SUSD1: variants seen among roughly 807,000 people sequenced by gnomAD.
SUSD1 encodes sushi domain containing 1.
Under a neutral mutation model 86.9 loss-of-function variants are expected in SUSD1, and 65 were observed. The observed-to-expected ratio is 0.75, with a 90% CI of 0.61 to 0.92. SUSD1 has a LOEUF of 0.92. Ranked by LOEUF, SUSD1 falls within the 40% of genes least tolerant of loss-of-function variation. The pLI is 0.00. For synonymous variants in SUSD1, 346 were observed against 350.0 expected (o/e 0.99, Z 0.13); for missense variants, 850 against 929.7 (o/e 0.91, Z 1.11).
rs1831110874 is a variant in SUSD1, at chr9:112,111,782, T to C, written c.1043A>G (p.Asn348Ser). Residue 348 changes from asparagine to serine, a missense_variant, in exon 8 of 17, where the codon AAC becomes AGC. By Grantham distance (46) the Asn-to-Ser change is conservative (BLOSUM62 1). Coordinates refer to ENST00000374270, the MANE Select transcript of SUSD1 (RefSeq NM_022486.5). ...TGGGGTCCTGCTGTCTGTGGTCAAG[T>C]TGACTGTCTCCTCACGAACTGATTC... is the stretch of plus-strand genomic sequence containing the variant. Reference protein sequence around the residue: ...PMESVREETVNLTTDSRTPEV... With the variant: ...PMESVREETVSLTTDSRTPEV... The C allele has an allele frequency of 1.9e-6, 3 of 1,614,000 alleles. No homozygotes were observed. Among genetic ancestry groups the C allele is most frequent in the Admixed American group, 1.7e-5 (1 of 59,988 alleles).
chr9:112,069,607 T>C (rs1180397315), intron 12 of SUSD1, among the ~76,000 whole-genome samples: 1 of 152,188 alleles, frequency 6.6e-6, no homozygotes, highest in East Asian at 1.9e-4. Flanking sequence ...TTAACTTTTT[T>C]TATTACGTGT....
chr9:112,061,939 C>A (rs548498007), intron 13 of SUSD1, among the ~76,000 whole-genome samples: 4 of 152,162 alleles, frequency 2.6e-5, no homozygotes, highest in South Asian at 4.1e-4. Context: ...TCCACGCCAA[C>A]CTCAATCTTC....
chr9:112,103,216 C>T (rs1830701110), intron 8 of SUSD1: 2 of 431,204 alleles, frequency 4.6e-6, no homozygotes, highest in Non-Finnish European at 9.3e-6. Context: ...GAATTGTCCA[C>T]AGCATTTTCA....
intron 6 of SUSD1, among the ~76,000 whole-genome samples, chr9:112,114,023 T>G (rs1831209784): frequency 6.6e-6 from 1 of 152,162 alleles, no homozygotes; most frequent in Admixed American, 6.5e-5. Context: ...CTTCTATATA[T>G]AAAACTCTAA....
chr9:112,064,853 G>T (rs902367311), intron 12 of SUSD1, among the ~76,000 whole-genome samples: 2 of 149,134 alleles, frequency 1.3e-5, no homozygotes, highest in Non-Finnish European at 3.0e-5. Context: ...TCCAGCCTGG[G>T]TGACAGAGTG....
In SUSD1 at chr9:112,138,770, A is replaced by G. The variant is rs75125916; in HGVS notation, c.706+3550T>C. On this transcript the variant is annotated intron_variant, in intron 5 of 16. Coordinates refer to ENST00000374270, the MANE Select transcript of SUSD1 (RefSeq NM_022486.5). ...GCCTGCAATAAATATTCTTTTTTAAATATTGTTTTTCTAACATAATTTTAT... is the reference window on the plus strand; with the variant it reads ...GCCTGCAATAAATATTCTTTTTTAAGTATTGTTTTTCTAACATAATTTTAT... 5.2e-4 allele frequency among the ~76,000 whole-genome samples: 79 copies of G among 152,286 alleles called. No individual in the cohort carries two copies. In the East Asian group the frequency reaches 0.01, roughly 19 times the overall value.
chr9:112,153,609 A>G (rs1833160894), intron 2 of SUSD1, among the ~76,000 whole-genome samples: 1 of 145,776 alleles, frequency 6.9e-6, no homozygotes, highest in Admixed American at 7.1e-5. Flanking sequence ...ATTACATACT[A>G]TACTTTTTTT....
intron 10 of SUSD1, among the ~76,000 whole-genome samples, chr9:112,084,439 A>G (rs73532499): frequency 0.032 from 4,946 of 152,250 alleles, 278 homozygotes; most frequent in African/African-American, 0.11. Flanking sequence ...TAATTATTTC[A>G]TTTTTTAAAA....
intron 8 of SUSD1, among the ~76,000 whole-genome samples, chr9:112,108,823 AAGAG>A (rs541472741): frequency 0.094 from 13,487 of 143,870 alleles, 801 homozygotes; most frequent in Non-Finnish European, 0.15. Flanking sequence ...GAAAAAAAAA[AAGAG>A]AGAGAGAAAC....
intron 15 of SUSD1, among the ~76,000 whole-genome samples, chr9:112,049,526 T>C (rs1176593388): frequency 6.6e-6 from 1 of 152,234 alleles, no homozygotes; most frequent in Non-Finnish European, 1.5e-5. Flanking sequence ...TTCCTGATCA[T>C]CTTTACAAAG....
chr9:112,158,113 C>T (rs1050430272), intron 1 of SUSD1, among the ~76,000 whole-genome samples: 1 of 151,964 alleles, frequency 6.6e-6, no homozygotes, highest in African/African-American at 2.4e-5. Flanking sequence ...CGTGAGCCAC[C>T]GAGCTAGGCC....
At chr9:112,160,802 A>G (rs1671840787) in intron 1 of SUSD1, among the ~76,000 whole-genome samples, 1 of 152,206 alleles carries the variant, frequency 6.6e-6, no homozygotes, top group Non-Finnish European at 1.5e-5. Context: ...GACAGACATA[A>G]GGAACAGGAA....
intron 5 of SUSD1, among the ~76,000 whole-genome samples, chr9:112,129,624 C>T (rs1831929488): frequency 6.6e-6 from 1 of 152,122 alleles, no homozygotes; most frequent in Non-Finnish European, 1.5e-5. Context: ...TATTATCTAT[C>T]CTTATACAAG....
chr9:112,167,822 C>G (rs573262120), intron 1 of SUSD1, among the ~76,000 whole-genome samples: 4 of 152,124 alleles, frequency 2.6e-5, no homozygotes, highest in Non-Finnish European at 5.9e-5. Flanking sequence ...ACAAAGAAAA[C>G]GAGGTTTAAT....
intron 16 of SUSD1, 29 bp downstream of exon 16, chr9:112,041,838 C>T (rs761906814): frequency 8.7e-6 from 14 of 1,602,760 alleles, no homozygotes; most frequent in Non-Finnish European, 1.1e-5. Context: ...CCATTCCAGT[C>T]ATTTCTCAAA....
intron 12 of SUSD1, among the ~76,000 whole-genome samples, chr9:112,078,298 C>T (rs1457212067): frequency 6.6e-6 from 1 of 152,152 alleles, no homozygotes; most frequent in Non-Finnish European, 1.5e-5. Flanking sequence ...GAGCCATGAT[C>T]GTGCCTCTGC....
In SUSD1 at chr9:112,078,569, AG is replaced by A. The variant is rs544226538; in HGVS notation, c.1721del (p.Pro574LeufsTer6). 1 of 1,613,264 alleles carries A rather than the reference AG, an allele frequency of 6.2e-7. No homozygotes were observed. Among genetic ancestry groups the A allele is most frequent in the South Asian group, 1.1e-5 (1 of 91,066 alleles). Reference protein sequence around the residue: ...VSLRALSSELPVVISLTTQIT... With the variant: ...VSLRALSSELXVVISLTTQIT... The stretch of plus-strand genomic sequence containing the variant: ...TCTGGGTTGTCAGGGAGATGACCAC[AG>A]GAAGTTCCGAAGACAGAGCCCGGAG... On this transcript the variant is annotated frameshift_variant, in exon 12 of 17. Transcript: ENST00000374270. LOFTEE classifies it high-confidence loss of function.
intron 6 of SUSD1, among the ~76,000 whole-genome samples, chr9:112,115,824 G>GAAAAAAAAAGAAAAAAAA (rs1554766278): frequency 8.3e-6 from 1 of 120,956 alleles, no homozygotes. Flanking sequence ...AAAAAAAAAA[G>GAAAAAAAAAGAAAAAAAA]AAAAAAAAAA....
At chr9:112,101,163 A>C (rs1045435370) in intron 9 of SUSD1, among the ~76,000 whole-genome samples, 1 of 151,882 alleles carries the variant, frequency 6.6e-6, no homozygotes, top group African/African-American at 2.4e-5. Context: ...GGAGTTTGAG[A>C]CCAGCCTAGC....
Sources: allele counts gnomAD v4.1 joint callset (sites outside exome capture counted in the v4.1 genomes callset), GRCh38; gene constraint gnomAD v4.1.1; transcripts MANE v1.5; gene names NCBI Gene and HGNC (gene_info 2026-07-23, HGNC 2026-07-21).